The following CNBD1 variants were observed in gnomAD, a reference collection of about 807,000 sequenced individuals.
CNBD1 encodes the protein cyclic nucleotide binding domain containing 1.
CNBD1 carries 71 observed loss-of-function variants against 54.4 expected under a neutral mutation model. That is an observed-to-expected ratio of 1.30 (90% CI 1.08 to 1.59). The LOEUF is 1.59. CNBD1 is among the 40% of genes most tolerant of loss of function. CNBD1 has a pLI of 0.00. For synonymous variants in CNBD1, 182 were observed against 170.7 expected (o/e 1.07, Z -0.51); for missense variants, 659 against 518.0 (o/e 1.27, Z -2.64).
intron 2 of CNBD1, among the ~76,000 whole-genome samples, chr8:86,888,972 A>G (rs1291085875): frequency 6.6e-6 from 1 of 152,134 alleles, no homozygotes; most frequent in Non-Finnish European, 1.5e-5. Flanking sequence ...CCTGGATTGA[A>G]TCATTCCTCT....
intron 10 of CNBD1, among the ~76,000 whole-genome samples, chr8:87,364,060 C>T (rs1314327056): frequency 1.3e-5 from 2 of 151,338 alleles, no homozygotes; most frequent in African/African-American, 4.9e-5. Flanking sequence ...AGGTGTTTCT[C>T]AACATATTGT....
At chr8:87,250,201 T>C (rs910710213) in intron 6 of CNBD1, among the ~76,000 whole-genome samples, 2 of 152,190 alleles carry the variant, frequency 1.3e-5, no homozygotes, top group Non-Finnish European at 1.5e-5. Flanking sequence ...GGCATACTAA[T>C]GGCCAACAGA....
chr8:87,393,139 A>G (rs1811342674), intron 2 of CNBD1, among the ~76,000 whole-genome samples: 1 of 151,852 alleles, frequency 6.6e-6, no homozygotes, highest in African/African-American at 2.4e-5. Context: ...TGGAATCAAG[A>G]GATTATTTTT....
chr8:87,379,705 A>T (rs892538278), intron 10 of CNBD1, among the ~76,000 whole-genome samples: 3 of 151,938 alleles, frequency 2.0e-5, no homozygotes, highest in Admixed American at 6.6e-5. Context: ...AATACCAGTA[A>T]TTTTTTTTAA....
chr8:87,195,671 T>G (rs1356324456), intron 4 of CNBD1, among the ~76,000 whole-genome samples: 1 of 151,946 alleles, frequency 6.6e-6, no homozygotes, highest in Non-Finnish European at 1.5e-5. Flanking sequence ...CCTCTTGGAT[T>G]CCAGCAATTC....
At chr8:87,424,670 C>A (rs971589230) in intron 2 of CNBD1, among the ~76,000 whole-genome samples, 3 of 152,076 alleles carry the variant, frequency 2.0e-5, no homozygotes, top group South Asian at 4.1e-4. Flanking sequence ...CTGGCTTGTA[C>A]GGTTTCTGCC....
intron 4 of CNBD1, among the ~76,000 whole-genome samples, chr8:87,092,017 A>G (rs1811214316): frequency 2.0e-5 from 3 of 152,222 alleles, no homozygotes; most frequent in Admixed American, 2.0e-4. Context: ...TAATTTTTAC[A>G]TATAACAAAT....
intron 4 of CNBD1, among the ~76,000 whole-genome samples, chr8:87,108,517 A>G (rs914286681): frequency 6.6e-6 from 1 of 152,176 alleles, no homozygotes; most frequent in African/African-American, 2.4e-5. Flanking sequence ...TGCATTGTTT[A>G]AAAGCTTCAC....
intron 4 of CNBD1, among the ~76,000 whole-genome samples, chr8:87,002,083 C>G (rs983768745): frequency 5.9e-5 from 9 of 152,204 alleles, no homozygotes; most frequent in African/African-American, 2.2e-4. Flanking sequence ...AATGGAAATT[C>G]ACATACAAAT....
intron 6 of CNBD1, among the ~76,000 whole-genome samples, chr8:87,237,736 G>A (rs1360899548): frequency 2.6e-5 from 4 of 152,120 alleles, no homozygotes; most frequent in Non-Finnish European, 5.9e-5. Context: ...GATGTTCAGA[G>A]TAGAAAAGAG....
chr8:87,242,251 G>A (rs1374850639), intron 6 of CNBD1, among the ~76,000 whole-genome samples: 2 of 152,062 alleles, frequency 1.3e-5, no homozygotes, highest in African/African-American at 2.4e-5. Flanking sequence ...CTCTTGTGGG[G>A]AAAATCAATA....
chr8:87,352,052 A>T (rs1396838263), intron 9 of CNBD1, among the ~76,000 whole-genome samples: 1 of 152,180 alleles, frequency 6.6e-6, no homozygotes, highest in Non-Finnish European at 1.5e-5. Flanking sequence ...TCATTAGAGA[A>T]ATGCAAGTTA....
At chr8:87,100,587 T>A (rs1298369598) in intron 4 of CNBD1, among the ~76,000 whole-genome samples, 1 of 152,190 alleles carries the variant, frequency 6.6e-6, no homozygotes, top group Non-Finnish European at 1.5e-5. Flanking sequence ...CAAGCAATTC[T>A]GTCTCAGCCT....
At chr8:86,993,814 C>A (rs1161310305) in intron 4 of CNBD1, among the ~76,000 whole-genome samples, 1 of 152,206 alleles carries the variant, frequency 6.6e-6, no homozygotes, top group Non-Finnish European at 1.5e-5. Context: ...AGCCACATGG[C>A]TCTTTTATAT....
At chr8:87,306,397 G>T (rs1303417792) in intron 8 of CNBD1, among the ~76,000 whole-genome samples, 2 of 152,202 alleles carry the variant, frequency 1.3e-5, no homozygotes, top group East Asian at 3.9e-4. Flanking sequence ...CTGCTACTGG[G>T]TATCTACTCA....
chr8:87,054,633 G>T (rs1042409696), intron 4 of CNBD1, among the ~76,000 whole-genome samples: 3 of 152,202 alleles, frequency 2.0e-5, no homozygotes, highest in Non-Finnish European at 4.4e-5. Context: ...AAAACGAAAG[G>T]AAGAAAATGC....
At position 87,413,202 on chromosome 8, in the gene CNBD1, G is replaced by C. The variant is rs529877010; in HGVS notation, c.214-15344G>C. On this transcript the variant is annotated intron_variant, in intron 2 of 7. Coordinates refer to the CNBD1 transcript ENST00000521593. Reference sequence around the variant, plus strand: ...TATGACACAGGGTTGTGAAATTACAGCTATCTGGGAACAAAAGGAAGGCAG... The same window carrying C: ...TATGACACAGGGTTGTGAAATTACACCTATCTGGGAACAAAAGGAAGGCAG... 5.3e-5 allele frequency among the ~76,000 whole-genome samples: 8 copies of C among 152,152 alleles called. No homozygotes were observed. The South Asian group carries it at 1.7e-3, about 32-fold the overall frequency.
At chr8:87,072,095 G>T (rs1810770451) in intron 4 of CNBD1, among the ~76,000 whole-genome samples, 3 of 151,950 alleles carry the variant, frequency 2.0e-5, no homozygotes, top group Admixed American at 2.0e-4. Flanking sequence ...GACATTTATT[G>T]GTTTGAAATC....
chr8:87,050,277 A>G (rs1810285892), intron 4 of CNBD1, among the ~76,000 whole-genome samples: 1 of 152,214 alleles, frequency 6.6e-6, no homozygotes. Flanking sequence ...CTCTTTGCCC[A>G]ATGTTCTAGT....
Sources: allele counts gnomAD v4.1 joint callset (sites outside exome capture counted in the v4.1 genomes callset), GRCh38; gene constraint gnomAD v4.1.1; transcripts MANE v1.5; gene names NCBI Gene and HGNC (gene_info 2026-07-23, HGNC 2026-07-21).